Variants in ANP32A observed in about 807,000 individuals in gnomAD.
The protein encoded by ANP32A is acidic leucine-rich nuclear phosphoprotein 32 family member A.
Under a neutral mutation model 33.9 loss-of-function variants are expected in ANP32A, and 1 was observed. The observed-to-expected ratio is 0.03, with a 90% CI of 0.01 to 0.14. The LOEUF (loss-of-function observed/expected upper bound fraction) is 0.14, where lower values mean the gene tolerates loss of function less well. Ranked by LOEUF, ANP32A falls within the 10% of genes least tolerant of loss-of-function variation. The pLI, the probability that ANP32A is intolerant of heterozygous loss-of-function variation, is 1.00. For missense variants in ANP32A, 155 were observed against 306.0 expected, an observed-to-expected ratio of 0.51 and a Z score of 3.68; for synonymous variants, 115 against 120.5, an observed-to-expected ratio of 0.95 and a Z score of 0.30.
chr15:68,809,089 C>T (rs992852759), intron 1 of ANP32A, among the ~76,000 whole-genome samples: 5 of 152,162 alleles, frequency 3.3e-5, no homozygotes, highest in Admixed American at 6.5e-5. Flanking sequence ...GCAGAGAGAA[C>T]CCGGGGGTTT....
intron 1 of ANP32A, among the ~76,000 whole-genome samples, chr15:68,799,150 C>T (rs1289277277): frequency 6.6e-6 from 1 of 152,096 alleles, no homozygotes; most frequent in Non-Finnish European, 1.5e-5. Context: ...GAAGGAAGTG[C>T]AAGAAATGCT....
chr15:68,779,955 C>T lies in ANP32A; in HGVS notation c.*126G>A, dbSNP rs1391032585. 5.6e-6 allele frequency: 3 copies of T among 536,542 alleles called. No individual in the cohort carries two copies. The highest frequency in any genetic ancestry group is 6.0e-6 in the Non-Finnish European group (2 of 333,900). 33.2% of individuals were successfully genotyped at this position (536,542 alleles called of 1,614,324 possible). A position where few individuals can be genotyped will look rare whatever the true frequency, so the allele number is the denominator to read the frequency against. ...CCCAGTACACTCTTCCCCTCTCGTT[C>T]CCACAGCAACGTTACAATCAGAAAA... On this transcript the variant is annotated 3_prime_UTR_variant, in exon 7 of 7. Coordinates refer to ENST00000465139, the MANE Select transcript of ANP32A (RefSeq NM_006305.4).
intron 1 of ANP32A, among the ~76,000 whole-genome samples, chr15:68,805,873 T>C (rs1267104041): frequency 6.6e-6 from 1 of 151,990 alleles, no homozygotes; most frequent in Non-Finnish European, 1.5e-5. Flanking sequence ...ACTGACTGTC[T>C]CCCCCAGCGG....
chr15:68,815,050 C>A (rs1311364412), intron 1 of ANP32A, among the ~76,000 whole-genome samples: 7 of 152,190 alleles, frequency 4.6e-5, no homozygotes. Flanking sequence ...CATACTAAAC[C>A]AGTAACAAGG....
intron 5 of ANP32A, chr15:68,781,098 G>A (rs1893861027): frequency 6.6e-6 from 1 of 152,102 alleles, no homozygotes; most frequent in Non-Finnish European, 1.5e-5. Context: ...CTCAACACAG[G>A]GCCCTTGCTT....
chr15:68,793,069 C>T (rs1442382095), intron 1 of ANP32A, among the ~76,000 whole-genome samples: 2 of 152,172 alleles, frequency 1.3e-5, no homozygotes, highest in Non-Finnish European at 2.9e-5. Context: ...CAGCTCTGTG[C>T]ATCCTGGGGC....
intron 4 of ANP32A, 101 bp from the exon 5 acceptor site, chr15:68,783,154 T>G: frequency 6.6e-7 from 1 of 1,511,432 alleles, no homozygotes; most frequent in South Asian, 1.3e-5. Flanking sequence ...GTGGGGCTCA[T>G]GACCCTCCCA....
chr15:68,781,417 T>G (rs944288847), intron 5 of ANP32A: 2 of 110,868 alleles, frequency 1.8e-5, no homozygotes, highest in African/African-American at 7.2e-5. Flanking sequence ...GCAGCACTCC[T>G]GTGACAGGAA....
At chr15:68,786,255 T>A (rs941690696) in intron 3 of ANP32A, among the ~76,000 whole-genome samples, 1 of 84,208 alleles carries the variant, frequency 1.2e-5, no homozygotes, top group Non-Finnish European at 1.9e-5. Context: ...GCTGCTGCTT[T>A]TTTTTTTTTT....
In ANP32A at chr15:68,799,901, A is replaced by G. The variant is rs148421769; in HGVS notation, c.55-11982T>C. On this transcript the variant is annotated intron_variant, in intron 1 of 6. Coordinates refer to ENST00000465139, the MANE Select transcript of ANP32A (RefSeq NM_006305.4). Reference sequence around the variant, plus strand: ...ATTTGAAGGAATGTCATGTACGTTTATTGTGTTTTCCAGTGGTTCAAGAAC... The same window carrying G: ...ATTTGAAGGAATGTCATGTACGTTTGTTGTGTTTTCCAGTGGTTCAAGAAC... Among the ~76,000 whole-genome samples, 1,179 of 152,274 alleles carry G rather than the reference A, an allele frequency of 7.7e-3. 7 individuals carry two copies. The highest frequency in any genetic ancestry group is 0.014 in the Non-Finnish European group (920 of 68,012).
intron 1 of ANP32A, among the ~76,000 whole-genome samples, chr15:68,803,798 C>CTTTTTTTTT (rs3985625): frequency 2.0e-5 from 2 of 101,156 alleles, no homozygotes; most frequent in African/African-American, 3.8e-5. Context: ...ATTTCACAAA[C>CTTTTTTTTT]TTTTTTTTTT....
intron 1 of ANP32A, among the ~76,000 whole-genome samples, chr15:68,797,371 C>G (rs1424982368): frequency 2.0e-5 from 3 of 152,130 alleles, no homozygotes; most frequent in Non-Finnish European, 1.5e-5. Context: ...TCTTGGTGAT[C>G]TTATTACAGA....
chr15:68,809,627 C>A lies in ANP32A; in HGVS notation c.54+11071G>T, dbSNP rs183038117. Among the ~76,000 whole-genome samples, 41 of 152,272 alleles carry A rather than the reference C, an allele frequency of 2.7e-4. No homozygotes were observed. The South Asian group carries it at 6.8e-3, about 25-fold the overall frequency. Reference sequence around the variant, plus strand: ...ATAATGAGAAAAACATGATGACCAGCGACCTAAGAAGTGTGCATCACCCAC... The same window carrying A: ...ATAATGAGAAAAACATGATGACCAGAGACCTAAGAAGTGTGCATCACCCAC... On this transcript the variant is annotated intron_variant, in intron 1 of 6. Coordinates refer to ENST00000465139, the MANE Select transcript of ANP32A (RefSeq NM_006305.4).
chr15:68,792,830 C>T (rs1209125516), intron 1 of ANP32A, among the ~76,000 whole-genome samples: 1 of 152,174 alleles, frequency 6.6e-6, no homozygotes, highest in Non-Finnish European at 1.5e-5. Flanking sequence ...CAGGCTTCTG[C>T]CTCTGTAGAA....
chr15:68,819,946 A>G (rs1894448505), intron 1 of ANP32A, among the ~76,000 whole-genome samples: 1 of 152,014 alleles, frequency 6.6e-6, no homozygotes, highest in South Asian at 2.1e-4. Context: ...GGAGGAGAGG[A>G]AGGGAGGCAG....
chr15:68,817,137 T>G (rs1185188646), intron 1 of ANP32A, among the ~76,000 whole-genome samples: 1 of 152,244 alleles, frequency 6.6e-6, no homozygotes, highest in African/African-American at 2.4e-5. Context: ...TTCTCAGAGA[T>G]GCCAGCATCG....
rs995841676 is a variant in ANP32A, at chr15:68,778,635, T to C, written c.*1446A>G. On this transcript the variant is annotated 3_prime_UTR_variant, in exon 7 of 7. Transcript: ENST00000465139. ...CAATGAAAGATATTCAAAACAAGGT[T>C]CCAAGGTTGGCCCAACTTGATTGTT... The C allele has an allele frequency of 5.3e-5, 8 of 152,218 alleles. No homozygotes were observed. Among genetic ancestry groups the C allele is most frequent in the African/African-American group, 1.7e-4 (7 of 41,452 alleles). The allele number at this position is 152,218 out of a possible 1,614,324, so 9.4% of individuals were successfully genotyped here.
chr15:68,788,699 T>C (rs555495415), intron 1 of ANP32A, among the ~76,000 whole-genome samples: 4 of 152,354 alleles, frequency 2.6e-5, no homozygotes, highest in South Asian at 4.1e-4. Flanking sequence ...CTCTAGACTT[T>C]GCTCTTCACG....
intron 1 of ANP32A, among the ~76,000 whole-genome samples, chr15:68,809,660 A>T (rs1315040140): frequency 6.6e-6 from 1 of 152,056 alleles, no homozygotes; most frequent in Admixed American, 6.5e-5. Flanking sequence ...CACCCAGAGC[A>T]ACTCCATCAG....
Sources: gnomAD v4.1 joint callset for allele counts (sites outside exome capture counted in the v4.1 genomes callset) on GRCh38, gnomAD v4.1.1 for gene constraint, MANE v1.5 for transcripts, NCBI Gene and HGNC (gene_info 2026-07-23, HGNC 2026-07-21) for gene names.